The following SNX29 variants were observed in gnomAD, a reference collection of about 807,000 sequenced individuals.
SNX29 encodes the protein sorting nexin-29.
A neutral mutation model predicts 102.1 loss-of-function variants in SNX29; 78 were observed. The ratio of observed to expected loss-of-function variants is 0.76; its 90% confidence interval spans 0.64 to 0.92. The LOEUF (loss-of-function observed/expected upper bound fraction) is 0.92, where lower values mean the gene tolerates loss of function less well. Among genes scored for constraint, SNX29 ranks in the 40% least tolerant of loss-of-function variants. The pLI, the probability that SNX29 is intolerant of heterozygous loss-of-function variation, is 0.00. For synonymous variants in SNX29, 580 were observed against 414.5 expected (o/e 1.40, Z -4.85); for missense variants, 1,280 against 1,061.7 (o/e 1.21, Z -2.86).
chr16:12,481,106 G>C (rs1184353203), intron 19 of SNX29, among the ~76,000 whole-genome samples: 1 of 152,198 alleles, frequency 6.6e-6, no homozygotes, highest in East Asian at 1.9e-4. Context: ...GCCAAGCAAT[G>C]TGCTTTTATC....
intron 20 of SNX29, among the ~76,000 whole-genome samples, chr16:12,567,110 C>G (rs750662672): frequency 6.6e-6 from 1 of 152,228 alleles, no homozygotes; most frequent in Admixed American, 6.5e-5. Flanking sequence ...TTTATGAATG[C>G]AAGTCTCTTA....
At chr16:12,239,665 A>G (rs2078041332) in intron 14 of SNX29, among the ~76,000 whole-genome samples, 2 of 148,954 alleles carry the variant, frequency 1.3e-5, no homozygotes, top group South Asian at 4.3e-4. Flanking sequence ...AAAAAAAAAA[A>G]AAAATTAGTC....
chr16:12,533,526 C>T (rs899969922), intron 20 of SNX29, among the ~76,000 whole-genome samples: 1 of 152,216 alleles, frequency 6.6e-6, no homozygotes, highest in Non-Finnish European at 1.5e-5. Flanking sequence ...CCGTCAGCCA[C>T]TGCAGCCTTT....
At chr16:12,266,253 C>T (rs7195084) in intron 14 of SNX29, among the ~76,000 whole-genome samples, 2 of 152,074 alleles carry the variant, frequency 1.3e-5, no homozygotes, top group African/African-American at 4.8e-5. Flanking sequence ...TATACTCACA[C>T]CGCTCTCAAC....
chr16:12,496,115 T>C (rs1159212255), intron 19 of SNX29, among the ~76,000 whole-genome samples: 2 of 152,128 alleles, frequency 1.3e-5, no homozygotes, highest in African/African-American at 4.8e-5. Flanking sequence ...TCAGCAGACA[T>C]GGAGACGTGG....
intron 18 of SNX29, among the ~76,000 whole-genome samples, chr16:12,448,779 C>G (rs549618047): frequency 6.6e-6 from 1 of 152,306 alleles, no homozygotes; most frequent in African/African-American, 2.4e-5. Flanking sequence ...CAGTCTTTCT[C>G]CAAGACAACA....
intron 13 of SNX29, among the ~76,000 whole-genome samples, chr16:12,151,677 G>A (rs1423000013): frequency 6.6e-6 from 1 of 151,992 alleles, no homozygotes; most frequent in Non-Finnish European, 1.5e-5. Flanking sequence ...TCCTCATTAT[G>A]GTTTTACATT....
chr16:12,180,518 C>T (rs1310924089), intron 13 of SNX29, among the ~76,000 whole-genome samples: 2 of 149,224 alleles, frequency 1.3e-5, no homozygotes, highest in African/African-American at 4.9e-5. Context: ...GAGTCTTGCT[C>T]TGTCGCCCAG....
chr16:12,574,045 G>T lies in SNX29; in HGVS notation c.*5416G>T. The T allele has an allele frequency of 1.0e-5, 2 of 195,494 alleles. No individual in the cohort carries two copies. The highest frequency in any genetic ancestry group is 2.1e-5 in the Non-Finnish European group (2 of 94,092). The allele number at this position is 195,494 out of a possible 1,614,324, so 12.1% of individuals were successfully genotyped here. On this transcript the variant is annotated 3_prime_UTR_variant, in exon 21 of 21. Transcript: ENST00000566228. ...CCACATATCTAGAGTCTGATAGTCT[G>T]TGTGTACATAAGGTCTAGAAGTCTG...
rs1398287764 is a variant in SNX29, at chr16:12,261,566, C to T, written c.1679-16367C>T. Among the ~76,000 whole-genome samples, 74 of 117,546 alleles carry T rather than the reference C, an allele frequency of 6.3e-4. 1 individual carries two copies. The highest frequency in any genetic ancestry group is 2.3e-3 in the African/African-American group (70 of 29,894). 77.1% of individuals were successfully genotyped at this position (117,546 alleles called of 152,430 possible). On this transcript the variant is annotated intron_variant, in intron 14 of 20. Transcript: ENST00000566228. ...TGGAGTAAGTGTTTGCTCTGAGCTT[C>T]GGTCTGTGTGTGCATCCCTGGCTGG...
chr16:12,550,631 C>A (rs542559204), intron 20 of SNX29, among the ~76,000 whole-genome samples: 1 of 151,688 alleles, frequency 6.6e-6, no homozygotes, highest in South Asian at 2.1e-4. Context: ...TAGAAAGACA[C>A]ATTAAAAAGT....
chr16:12,491,685 C>T (rs1053066079), intron 19 of SNX29, among the ~76,000 whole-genome samples: 20 of 152,118 alleles, frequency 1.3e-4, no homozygotes, highest in African/African-American at 4.8e-4. Flanking sequence ...CCCCTTCCCC[C>T]AACCCCACAA....
intron 16 of SNX29, among the ~76,000 whole-genome samples, chr16:12,371,505 T>C (rs2082681643): frequency 6.6e-6 from 1 of 152,196 alleles, no homozygotes; most frequent in African/African-American, 2.4e-5. Flanking sequence ...ACAGGGTCTT[T>C]CTATGTTGCC....
At chr16:12,217,790 C>A (rs1248527229) in intron 14 of SNX29, among the ~76,000 whole-genome samples, 1 of 152,214 alleles carries the variant, frequency 6.6e-6, no homozygotes, top group Non-Finnish European at 1.5e-5. Context: ...AGGTCTAAAT[C>A]TTGGCTTCAT....
intron 11 of SNX29, among the ~76,000 whole-genome samples, chr16:12,110,132 C>A (rs560625093): frequency 6.6e-6 from 1 of 152,146 alleles, no homozygotes; most frequent in Non-Finnish European, 1.5e-5. Context: ...GGATGCTGAG[C>A]TTGCGGGGAG....
chr16:12,399,928 A>G (rs577886186), intron 17 of SNX29, among the ~76,000 whole-genome samples: 12 of 152,250 alleles, frequency 7.9e-5, no homozygotes, highest in Admixed American at 7.8e-4. Context: ...AGAGCCACAG[A>G]GGGGAGTCCC....
chr16:12,120,618 G>C (rs958208701), intron 11 of SNX29, among the ~76,000 whole-genome samples: 2 of 152,270 alleles, frequency 1.3e-5, no homozygotes, highest in African/African-American at 4.8e-5. Flanking sequence ...AGCAGCCTCC[G>C]AGGCCGTAAT....
intron 15 of SNX29, among the ~76,000 whole-genome samples, chr16:12,300,427 C>T (rs2080131048): frequency 6.6e-6 from 1 of 152,136 alleles, no homozygotes; most frequent in African/African-American, 2.4e-5. Flanking sequence ...GTATATTTTA[C>T]TCTGTATATT....
intron 11 of SNX29, among the ~76,000 whole-genome samples, chr16:12,099,936 G>A (rs976093487): frequency 6.6e-6 from 1 of 152,130 alleles, no homozygotes; most frequent in African/African-American, 2.4e-5. Context: ...CTTGATCAGT[G>A]TGCAGGCACT....
Sources: gnomAD v4.1 joint callset for allele counts (sites outside exome capture counted in the v4.1 genomes callset) on GRCh38, gnomAD v4.1.1 for gene constraint, MANE v1.5 for transcripts, NCBI Gene and HGNC (gene_info 2026-07-23, HGNC 2026-07-21) for gene names.